Variants in GRAMD2B observed in about 807,000 individuals in gnomAD.
The protein encoded by GRAMD2B is GRAM domain containing 2B, also known as GRAM domain-containing protein 2B.
In GRAMD2B, 41 loss-of-function variants were observed where a neutral mutation model predicts 59.2. The observed-to-expected ratio is 0.69, with a 90% confidence interval of 0.54 to 0.90. GRAMD2B has a LOEUF of 0.90. Among genes scored for constraint, GRAMD2B ranks in the 40% least tolerant of loss-of-function variants. The probability of loss-of-function intolerance (pLI) is 0.00; values close to 1 mark genes in which losing one functional copy is unlikely to be tolerated. For missense variants in GRAMD2B, 424 were observed against 500.5 expected, an observed-to-expected ratio of 0.85 and a Z score of 1.46; for synonymous variants, 161 against 182.7, an observed-to-expected ratio of 0.88 and a Z score of 0.96.
At chr5:126,478,662 G>A (rs1005149512) in intron 6 of GRAMD2B, among the ~76,000 whole-genome samples, 1 of 151,964 alleles carries the variant, frequency 6.6e-6, no homozygotes, top group African/African-American at 2.4e-5. Flanking sequence ...GATTGCTTGA[G>A]CCTGGGAGAC....
rs115675347 is a variant in GRAMD2B at position 126,429,806 on chromosome 5, G to A, written c.83+6117G>A. Among the ~76,000 whole-genome samples, 1,298 of 152,298 alleles carry A rather than the reference G, an allele frequency of 8.5e-3. 8 individuals carry two copies. Among genetic ancestry groups the A allele is most frequent in the Non-Finnish European group, 0.011 (724 of 68,024 alleles). On this transcript the variant is annotated intron_variant, in intron 1 of 13. Transcript: ENST00000285689. ...CTGAGCATTTCTTTGAATCTAACCA[G>A]GTGTGTTGGTTTTTACTTTATGCTA...
intron 1 of GRAMD2B, among the ~76,000 whole-genome samples, chr5:126,404,546 G>A (rs960020961): frequency 1.3e-5 from 2 of 151,898 alleles, no homozygotes; most frequent in South Asian, 2.1e-4. Context: ...AGGAATACAG[G>A]GAGAAAATGC....
chr5:126,423,436 T>G lies in GRAMD2B; in HGVS notation c.-171T>G. ...TCGCGCCCGCTCCGACGTGTCCAGG[T>G]CCGCGGCCCCGGGAGCTTGGCGCGG... On this transcript the variant is annotated 5_prime_UTR_variant, in exon 1 of 14. Transcript: ENST00000285689. The G allele has an allele frequency of 7.1e-7, 1 of 1,406,278 alleles. No individual in the cohort carries two copies. The highest frequency in any genetic ancestry group is 9.2e-7 in the Non-Finnish European group (1 of 1,086,068). The allele number at this position is 1,406,278 out of a possible 1,614,324, so 87.1% of individuals were successfully genotyped here. A position where few individuals can be genotyped will look rare whatever the true frequency, so the allele number is the denominator to read the frequency against.
chr5:126,410,875 G>A lies in GRAMD2B; in HGVS notation c.125+39308G>A, dbSNP rs868741421. ...TTCTTTGATGTCAGTGATGTGGAAC[G>A]TTTTTCATGTTTGTTGACTGTTTGT... On this transcript the variant is annotated intron_variant, in intron 1 of 8. Transcript: ENST00000506445. Among the ~76,000 whole-genome samples, 6 of 151,822 alleles carry A rather than the reference G, an allele frequency of 4.0e-5. No homozygotes were observed. The East Asian group carries it at 7.7e-4, about 20-fold the overall frequency.
In GRAMD2B at chr5:126,472,299, A is replaced by G. The variant is rs773712011; in HGVS notation, c.377A>G (p.Lys126Arg). The G allele has an allele frequency of 6.2e-7, 1 of 1,613,512 alleles. No homozygotes were observed. The highest frequency in any genetic ancestry group is 1.7e-5 in the Admixed American group (1 of 60,020). The change falls in exon 4 of 14, where the codon AAG becomes AGG. Residue 126 changes from lysine to arginine, a missense_variant. Lys to Arg is a conservative substitution (Grantham distance 26). Transcript: ENST00000285689. ...FLSVPTEEPL[K>R]QSFTCALQKE... Reference sequence around the variant, plus strand: ...AGTGTCCCAACGGAGGAACCACTGAAGCAAAGTAAGTTCTGACCTGTTTGA... The same window carrying G: ...AGTGTCCCAACGGAGGAACCACTGAGGCAAAGTAAGTTCTGACCTGTTTGA...
chr5:126,487,947 A>G (rs545068269), intron 12 of GRAMD2B, among the ~76,000 whole-genome samples: 6 of 152,162 alleles, frequency 3.9e-5, no homozygotes, highest in Non-Finnish European at 8.8e-5. Context: ...AGTGCCTGAT[A>G]TAGTAGGTCT....
chr5:126,381,779 T>G (rs1029046373), intron 1 of GRAMD2B, among the ~76,000 whole-genome samples: 1 of 152,114 alleles, frequency 6.6e-6, no homozygotes, highest in African/African-American at 2.4e-5. Flanking sequence ...GTGTTATTGT[T>G]TTATAGGTCC....
intron 1 of GRAMD2B, among the ~76,000 whole-genome samples, chr5:126,397,824 G>A (rs1757491530): frequency 6.6e-6 from 1 of 152,042 alleles, no homozygotes; most frequent in Admixed American, 6.6e-5. Flanking sequence ...TGGCCTGTAG[G>A]ATTATTTTCA....
At chr5:126,394,304 G>T (rs1448096879) in intron 1 of GRAMD2B, among the ~76,000 whole-genome samples, 2 of 151,934 alleles carry the variant, frequency 1.3e-5, no homozygotes, top group African/African-American at 4.8e-5. Flanking sequence ...GAAAACTAGG[G>T]ATATTAGTCT....
intron 1 of GRAMD2B, among the ~76,000 whole-genome samples, chr5:126,413,726 G>A (rs1005218643): frequency 6.6e-6 from 1 of 152,104 alleles, no homozygotes; most frequent in Non-Finnish European, 1.5e-5. Flanking sequence ...TTGTGTGACT[G>A]TCTGTGTCTT....
chr5:126,382,315 G>C (rs112963600), intron 1 of GRAMD2B, among the ~76,000 whole-genome samples: 14,224 of 152,034 alleles, frequency 0.094, 779 homozygotes, highest in South Asian at 0.26. Flanking sequence ...CTTCTTCCTC[G>C]GGAACACAGA....
chr5:126,411,850 G>GTGTGTGTGTGTT (rs1182802615), intron 1 of GRAMD2B, among the ~76,000 whole-genome samples: 1 of 151,502 alleles, frequency 6.6e-6, no homozygotes, highest in East Asian at 1.9e-4. Flanking sequence ...TGGTGTGTGT[G>GTGTGTGTGTGTT]TGTGTGTGTG....
upstream of GRAMD2B, among the ~76,000 whole-genome samples, chr5:126,367,417 T>C (rs1754505739): frequency 2.0e-5 from 3 of 146,714 alleles, no homozygotes; most frequent in Non-Finnish European, 1.5e-5. Flanking sequence ...ATCCAAATCC[T>C]ACACCTGTAA....
rs547180223 is a variant in GRAMD2B, at chr5:126,455,522, T to C, written c.84-9904T>C. ...TTTCCTTGTGTTTCTCATGACCTTA[T>C]GGCATCTCTGACTCCAAATTGTATG... On this transcript the variant is annotated intron_variant, in intron 1 of 13. Transcript: ENST00000285689. Among the ~76,000 whole-genome samples, 4 of 152,332 alleles carry C rather than the reference T, an allele frequency of 2.6e-5. No individual in the cohort carries two copies. In the South Asian group the frequency reaches 8.3e-4, roughly 32 times the overall value.
At chr5:126,478,022 T>G (rs2126879563) in intron 6 of GRAMD2B, among the ~76,000 whole-genome samples, 1 of 152,250 alleles carries the variant, frequency 6.6e-6, no homozygotes, top group Middle Eastern at 3.4e-3. Flanking sequence ...AATTTTGAAT[T>G]TCCTGCTGAC....
Position 126,484,385 on chromosome 5 carries a change from C to G in GRAMD2B, c.848-17C>G. On this transcript the variant is annotated splice_polypyrimidine_tract_variant and intron_variant, in intron 9 of 13. Coordinates refer to ENST00000285689, the MANE Select transcript of GRAMD2B (RefSeq NM_023927.4). The stretch of plus-strand genomic sequence containing the variant: ...CATTGGAGAGAACACTTACCCAGCT[C>G]TGTTTTGGCTTAGTAGATTTCCATG... 6.2e-7 allele frequency: 1 copy of G among 1,610,636 alleles called. No homozygotes were observed. Among genetic ancestry groups the G allele is most frequent in the Non-Finnish European group, 8.5e-7 (1 of 1,178,958 alleles).
At chr5:126,361,489 TAAA>T (rs11300255) in intron 1 of GRAMD2B, among the ~76,000 whole-genome samples, 25 of 140,730 alleles carry the variant, frequency 1.8e-4, no homozygotes, top group Admixed American at 2.1e-4. Flanking sequence ...TCCGAAATGG[TAAA>T]AAAAAAAAAA....
chr5:126,376,753 A>G (rs1184831430), intron 1 of GRAMD2B, among the ~76,000 whole-genome samples: 1 of 152,182 alleles, frequency 6.6e-6, no homozygotes, highest in African/African-American at 2.4e-5. Flanking sequence ...AGGAAGCAGC[A>G]CTGTTTTAAG....
At chr5:126,386,380 G>A (rs374859577) in intron 1 of GRAMD2B, among the ~76,000 whole-genome samples, 7 of 152,266 alleles carry the variant, frequency 4.6e-5, no homozygotes, top group African/African-American at 1.7e-4. Flanking sequence ...GAATGATAAG[G>A]GTTAGATGAG....
Sources: gnomAD v4.1 joint callset for allele counts (sites outside exome capture counted in the v4.1 genomes callset) on GRCh38, gnomAD v4.1.1 for gene constraint, MANE v1.5 for transcripts, NCBI Gene and HGNC (gene_info 2026-07-23, HGNC 2026-07-21) for gene names.